Variants in DDX10 observed in about 807,000 individuals in gnomAD.
DDX10 encodes the protein probable ATP-dependent RNA helicase DDX10.
DDX10 carries 74 observed loss-of-function variants against 104.3 expected under a neutral mutation model. The ratio of observed to expected loss-of-function variants is 0.71; its 90% confidence interval spans 0.59 to 0.86. DDX10 has a LOEUF of 0.86. Among genes scored for constraint, DDX10 ranks in the 40% least tolerant of loss-of-function variants. DDX10 has a pLI of 0.00. For missense variants in DDX10, 952 were observed against 1,040.0 expected, an observed-to-expected ratio of 0.92 and a Z score of 1.16; for synonymous variants, 351 against 353.4, an observed-to-expected ratio of 0.99 and a Z score of 0.08.
chr11:108,785,210 T>A (rs1405542649), intron 13 of DDX10, among the ~76,000 whole-genome samples: 3 of 152,222 alleles, frequency 2.0e-5, no homozygotes, highest in African/African-American at 7.2e-5. Flanking sequence ...TTGATTCTGT[T>A]TACATGGCGA....
At chr11:108,779,613 A>G (rs922163864) in intron 13 of DDX10, among the ~76,000 whole-genome samples, 9 of 152,236 alleles carry the variant, frequency 5.9e-5, no homozygotes. Context: ...GCACATGTAT[A>G]CATATGTAAC....
At chr11:108,739,362 G>C (rs1156335198) in intron 13 of DDX10, among the ~76,000 whole-genome samples, 5 of 152,170 alleles carry the variant, frequency 3.3e-5, no homozygotes, top group African/African-American at 1.2e-4. Flanking sequence ...TAAATTAGTG[G>C]GCAGTTAGCT....
Position 108,838,534 on chromosome 11 carries a change from A to G in DDX10, c.2054A>G (p.Asn685Ser), listed in dbSNP as rs144778302. ...KKVMKRNFKVNKKITFTDEGE... is the reference protein window; with the variant it reads ...KKVMKRNFKVSKKITFTDEGE... ...GTAATGAAGAGAAATTTTAAAGTGA[A>G]TAAGAAGATAACATTTACTGATGAA... The change falls in exon 14 of 18, where the codon AAT becomes AGT. Residue 685 changes from asparagine (N) to serine (S), a missense_variant. Coordinates refer to ENST00000322536, the MANE Select transcript of DDX10 (RefSeq NM_004398.4). The G allele has an allele frequency of 1.1e-5, 18 of 1,611,664 alleles. No homozygotes were observed. The highest frequency in any genetic ancestry group is 2.7e-5 in the African/African-American group (2 of 74,828).
chr11:108,736,903 C>A (rs780329315), intron 13 of DDX10, among the ~76,000 whole-genome samples: 3 of 152,148 alleles, frequency 2.0e-5, no homozygotes, highest in Non-Finnish European at 4.4e-5. Context: ...CCACCCTATA[C>A]CCCTAAAGGG....
At chr11:108,922,047 C>T (rs1469902832) in intron 17 of DDX10, 1 of 151,384 alleles carries the variant, frequency 6.6e-6, no homozygotes, top group East Asian at 2.0e-4. Context: ...AGATTGAGAC[C>T]ATACTGGCCA....
chr11:108,696,918 G>A (rs900478424), intron 9 of DDX10, among the ~76,000 whole-genome samples: 5 of 152,008 alleles, frequency 3.3e-5, no homozygotes, highest in Admixed American at 6.6e-5. Context: ...GATTCTAGAG[G>A]GGGGAATATT....
intron 16 of DDX10, among the ~76,000 whole-genome samples, chr11:108,888,947 CA>C (rs1300008949): frequency 6.6e-6 from 1 of 152,046 alleles, no homozygotes; most frequent in African/African-American, 2.4e-5. Context: ...GCCCTTTTAC[CA>C]ACAGCATGGC....
At chr11:108,815,118 C>A (rs1299353825) in intron 13 of DDX10, among the ~76,000 whole-genome samples, 2 of 152,086 alleles carry the variant, frequency 1.3e-5, no homozygotes, top group South Asian at 4.1e-4. Flanking sequence ...AAAATAAATA[C>A]ATAACAAAGA....
chr11:108,796,661 G>T (rs936297994), intron 13 of DDX10, among the ~76,000 whole-genome samples: 1 of 152,046 alleles, frequency 6.6e-6, no homozygotes, highest in Non-Finnish European at 1.5e-5. Flanking sequence ...ATTTCCTTTG[G>T]TATGTAAAGA....
chr11:108,915,009 G>A lies in DDX10; in HGVS notation c.2305-2864G>A, dbSNP rs528716135. 2.0e-5 allele frequency among the ~76,000 whole-genome samples: 3 copies of A among 152,048 alleles called. No homozygotes were observed. In the East Asian group the frequency reaches 5.8e-4, roughly 29 times the overall value. ...AATAGAAAAAAAAAATGAAGAAAAA[G>A]GAACAGAACCTATGAGACCTGTGAA... is the stretch of plus-strand genomic sequence containing the variant. On this transcript the variant is annotated intron_variant, in intron 16 of 17. Transcript: ENST00000322536.
Position 108,678,338 on chromosome 11 carries a change from G to T in DDX10, c.561G>T (p.Arg187Ser). Reference protein sequence around the residue: ...GGKDLKHEAERINNINILVCT... With the variant: ...GGKDLKHEAESINNINILVCT... ...AGGATCTAAAACACGAAGCTGAGAGGATCAACAACATAAATATACTCGTGT... is the reference window on the plus strand; with the variant it reads ...AGGATCTAAAACACGAAGCTGAGAGTATCAACAACATAAATATACTCGTGT... The change falls in exon 5 of 18, where the codon AGG (arginine) becomes AGT (serine). Residue 187 changes from arginine (R) to serine (S), a missense_variant. Physicochemically the swap from Arg to Ser is moderately radical, Grantham distance 110. This residue lies in a region of DDX10 where 412 missense variants were observed against 479.2 expected (regional missense o/e 0.86). Transcript: ENST00000322536. 1 of 1,611,100 alleles carries T rather than the reference G, an allele frequency of 6.2e-7. No individual in the cohort carries two copies.
At chr11:108,693,458 T>C (rs373881594) in intron 8 of DDX10, 58 bp from the exon 9 acceptor site, 1 of 1,204,536 alleles carries the variant, frequency 8.3e-7, no homozygotes, top group Non-Finnish European at 1.2e-6. Context: ...AAGATAAAAA[T>C]AGTGCAGCAG....
At chr11:108,669,354 C>T (rs1327414166) in intron 1 of DDX10, among the ~76,000 whole-genome samples, 2 of 152,106 alleles carry the variant, frequency 1.3e-5, no homozygotes, top group Admixed American at 6.5e-5. Flanking sequence ...ACCTGTAATT[C>T]CAAAGTGCTG....
chr11:108,733,758 G>T (rs900686643), intron 13 of DDX10, among the ~76,000 whole-genome samples: 48 of 151,888 alleles, frequency 3.2e-4, no homozygotes, highest in African/African-American at 1.1e-3. Context: ...TTCTTGGCTC[G>T]GGGGGATAAG....
chr11:108,762,414 C>A (rs2094351845), intron 13 of DDX10, among the ~76,000 whole-genome samples: 1 of 152,100 alleles, frequency 6.6e-6, no homozygotes, highest in South Asian at 2.1e-4. Context: ...ATAAATAAAT[C>A]CTTTTCCATT....
rs770160827 is a variant in DDX10 at position 108,810,443 on chromosome 11, A to G, written c.1966-28003A>G. 1.3e-4 allele frequency among the ~76,000 whole-genome samples: 20 copies of G among 152,218 alleles called. No homozygotes were observed. In the East Asian group the frequency reaches 1.4e-3, roughly 10 times the overall value. ...AGAAGAATAGGAGATGCTGCACCCA[A>G]TTGTATTTATAGATTATAAATTTGG... On this transcript the variant is annotated intron_variant, in intron 13 of 17. Coordinates refer to ENST00000322536, the MANE Select transcript of DDX10 (RefSeq NM_004398.4).
At chr11:108,820,081 T>A (rs778389320) in intron 13 of DDX10, among the ~76,000 whole-genome samples, 17 of 152,252 alleles carry the variant, frequency 1.1e-4, no homozygotes, top group Non-Finnish European at 2.2e-4. Flanking sequence ...GTTTAGAGCA[T>A]GCTTCTGTCC....
At chr11:108,729,151 C>A (rs1341441800) in intron 13 of DDX10, among the ~76,000 whole-genome samples, 2 of 151,904 alleles carry the variant, frequency 1.3e-5, no homozygotes, top group African/African-American at 4.8e-5. Context: ...AAAATTTTAC[C>A]CCCAAATGAT....
At chr11:108,895,581 C>T (rs1365675299) in intron 16 of DDX10, among the ~76,000 whole-genome samples, 5 of 151,924 alleles carry the variant, frequency 3.3e-5, no homozygotes, top group African/African-American at 7.2e-5. Context: ...TTCTCTATAT[C>T]TTTACTGGGA....
Sources: allele counts gnomAD v4.1 joint callset (sites outside exome capture counted in the v4.1 genomes callset), GRCh38; gene constraint gnomAD v4.1.1; regional missense constraint gnomAD v4.1.1; transcripts MANE v1.5; gene names NCBI Gene and HGNC (gene_info 2026-07-23, HGNC 2026-07-21).